TENM2: variants seen among roughly 807,000 people sequenced by gnomAD.
TENM2 encodes the protein teneurin transmembrane protein 2.
Under a neutral mutation model 245.2 loss-of-function variants are expected in TENM2, and 52 were observed. The ratio of observed to expected loss-of-function variants is 0.21; its 90% CI spans 0.17 to 0.27. The LOEUF (loss-of-function observed/expected upper bound fraction) is 0.27, where lower values mean the gene tolerates loss of function less well. Ranked by LOEUF, TENM2 falls within the 10% of genes least tolerant of loss-of-function variation. TENM2 has a pLI of 1.00. For missense variants in TENM2, 3,046 were observed against 3,666.8 expected, an observed-to-expected ratio of 0.83 and a Z score of 4.37; for synonymous variants, 1,363 against 1,438.9, an observed-to-expected ratio of 0.95 and a Z score of 1.19.
chr5:167,162,197 C>A, the TENM2 span, among the ~76,000 whole-genome samples: 1 of 150,940 alleles, frequency 6.6e-6, no homozygotes, highest in Non-Finnish European at 1.5e-5. Flanking sequence ...CAAAGACTGA[C>A]TAAATACCTC....
upstream of TENM2, among the ~76,000 whole-genome samples, chr5:167,283,628 A>T (rs952386470): frequency 6.6e-6 from 1 of 152,194 alleles, no homozygotes; most frequent in African/African-American, 2.4e-5. Context: ...TGACATATTG[A>T]GGAGGCAGTG....
At chr5:168,093,052 A>C (rs1444679918) in intron 8 of TENM2, among the ~76,000 whole-genome samples, 1 of 152,246 alleles carries the variant, frequency 6.6e-6, no homozygotes, top group Non-Finnish European at 1.5e-5. Flanking sequence ...ACACACAGCC[A>C]GGAAAAGGTG....
intron 2 of TENM2, among the ~76,000 whole-genome samples, chr5:167,544,983 G>T (rs1316099195): frequency 6.6e-6 from 1 of 152,130 alleles, no homozygotes; most frequent in Non-Finnish European, 1.5e-5. Flanking sequence ...CACTGTCCCT[G>T]AGAATGGCAT....
intron 3 of TENM2, among the ~76,000 whole-genome samples, chr5:167,935,126 A>C (rs538206910): frequency 6.6e-6 from 1 of 152,238 alleles, no homozygotes; most frequent in South Asian, 2.1e-4. Context: ...TGCTCTACAA[A>C]CCGAGAGAGA....
chr5:167,338,164 T>C (rs926457255), intron 1 of TENM2, among the ~76,000 whole-genome samples: 97 of 152,342 alleles, frequency 6.4e-4, no homozygotes, highest in African/African-American at 2.3e-3. Context: ...TTCAGCGGGC[T>C]ATAGCAGAAC....
intron 5 of TENM2, among the ~76,000 whole-genome samples, chr5:168,026,219 G>T (rs911495258): frequency 6.6e-5 from 10 of 152,174 alleles, no homozygotes; most frequent in Non-Finnish European, 1.0e-4. Context: ...TCCTCTGAGA[G>T]TTGGGGACCC....
chr5:166,992,502 G>A, the TENM2 span, among the ~76,000 whole-genome samples: 4 of 152,126 alleles, frequency 2.6e-5, no homozygotes, highest in Non-Finnish European at 2.9e-5. Context: ...CAATGAGAGG[G>A]TTACAAATAA....
the TENM2 span, among the ~76,000 whole-genome samples, chr5:167,105,615 G>C: frequency 6.6e-6 from 1 of 151,966 alleles, no homozygotes; most frequent in African/African-American, 2.4e-5. Context: ...TCGGCCGGGC[G>C]CGGTGGCTCA....
chr5:168,121,095 G>A (rs1172894156), intron 10 of TENM2, among the ~76,000 whole-genome samples: 1 of 152,108 alleles, frequency 6.6e-6, no homozygotes, highest in African/African-American at 2.4e-5. Flanking sequence ...GGGGCTTATA[G>A]TACATATTGT....
exon 17 of TENM2, chr5:168,199,996 G>A (rs371654375): frequency 2.5e-6 from 4 of 1,613,972 alleles, no homozygotes; most frequent in Admixed American, 1.7e-5. Flanking sequence ...CCTCATTAGG[G>A]TTCACCTGAT....
At chr5:167,134,713 T>C in the TENM2 span, among the ~76,000 whole-genome samples, 1 of 152,216 alleles carries the variant, frequency 6.6e-6, no homozygotes, top group East Asian at 1.9e-4. Context: ...ACAAACACAG[T>C]TCTCGTTGGA....
chr5:167,597,051 A>G (rs1776266144), intron 2 of TENM2, among the ~76,000 whole-genome samples: 1 of 152,062 alleles, frequency 6.6e-6, no homozygotes, highest in African/African-American at 2.4e-5. Flanking sequence ...CAGTCCTCAC[A>G]CACATGGAGT....
chr5:167,768,545 T>G (rs1763191681), intron 2 of TENM2, among the ~76,000 whole-genome samples: 1 of 152,180 alleles, frequency 6.6e-6, no homozygotes, highest in African/African-American at 2.4e-5. Flanking sequence ...TTGGGATGTT[T>G]CCACGATTAT....
chr5:167,577,533 C>G (rs1774787709), intron 2 of TENM2, among the ~76,000 whole-genome samples: 1 of 152,150 alleles, frequency 6.6e-6, no homozygotes, highest in Admixed American at 6.5e-5. Flanking sequence ...AATTAATGCT[C>G]TAAGTCCACT....
the TENM2 span, among the ~76,000 whole-genome samples, chr5:167,263,737 A>G: frequency 6.6e-6 from 1 of 152,132 alleles, no homozygotes; most frequent in African/African-American, 2.4e-5. Context: ...TTAAAAAAAA[A>G]AAGAGCATTT....
At chr5:167,089,118 A>T in the TENM2 span, among the ~76,000 whole-genome samples, 1 of 152,250 alleles carries the variant, frequency 6.6e-6, no homozygotes, top group Non-Finnish European at 1.5e-5. Flanking sequence ...TTTTCAGTCC[A>T]GCATTTGGAG....
chr5:168,258,766 G>A (rs1562347787), intron 27 of TENM2, among the ~76,000 whole-genome samples: 2 of 152,306 alleles, frequency 1.3e-5, no homozygotes, highest in East Asian at 3.9e-4. Context: ...GCTTTGGGAG[G>A]TGATGAAAAT....
At position 167,476,951 on chromosome 5, in the gene TENM2, T is replaced by A. The variant is rs928737139; in HGVS notation, c.502+101478T>A. The stretch of plus-strand genomic sequence containing the variant: ...GTCTCTTGATTTATTTTCTAGAGAA[T>A]GTTAAATAGACTAGTCTGTATGGCC... On this transcript the variant is annotated intron_variant, in intron 2 of 28. Transcript: ENST00000518659. Among the ~76,000 whole-genome samples, 5 of 152,154 alleles carry A rather than the reference T, an allele frequency of 3.3e-5. No homozygotes were observed. The East Asian group carries it at 9.6e-4, about 29-fold the overall frequency.
chr5:167,130,361 TTGAC>T, the TENM2 span, among the ~76,000 whole-genome samples: 6 of 152,216 alleles, frequency 3.9e-5, no homozygotes, highest in Non-Finnish European at 8.8e-5. Flanking sequence ...ACATATAGTG[TTGAC>T]TATGTGTCAG....
Sources: gnomAD v4.1 joint callset for allele counts (sites outside exome capture counted in the v4.1 genomes callset) on GRCh38, gnomAD v4.1.1 for gene constraint, MANE v1.5 for transcripts, NCBI Gene and HGNC (gene_info 2026-07-23, HGNC 2026-07-21) for gene names.